Variants in NCAM1 observed in about 807,000 individuals in gnomAD.
NCAM1 encodes antigen recognized by monoclonal antibody 5.1H11.
In NCAM1, 14 loss-of-function variants were observed where a neutral mutation model predicts 109.8. The observed-to-expected ratio is 0.13, with a 90% CI of 0.08 to 0.20. The LOEUF (loss-of-function observed/expected upper bound fraction) is 0.20. Among genes scored for constraint, NCAM1 ranks in the 10% least tolerant of loss-of-function variants. The pLI, the probability that NCAM1 is intolerant of heterozygous loss-of-function variation, is 1.00. For missense variants in NCAM1, 774 were observed against 1,109.9 expected (o/e 0.70, Z 4.30); for synonymous variants, 418 against 442.9 (o/e 0.94, Z 0.70).
chr11:112,986,363 GT>G (rs34255443), intron 1 of NCAM1, among the ~76,000 whole-genome samples: 13,326 of 151,922 alleles, frequency 0.088, 751 homozygotes, highest in East Asian at 0.21. Context: ...ATATTGGCCT[GT>G]AATTTTCTTT....
intron 1 of NCAM1, among the ~76,000 whole-genome samples, chr11:113,134,961 C>T (rs1400038073): frequency 6.6e-6 from 1 of 152,094 alleles, no homozygotes; most frequent in African/African-American, 2.4e-5. Context: ...CACTGGGGCA[C>T]ACTGGATCAG....
chr11:113,035,499 G>GGAGATAT (rs1177585121), intron 1 of NCAM1, among the ~76,000 whole-genome samples: 1 of 152,146 alleles, frequency 6.6e-6, no homozygotes, highest in Non-Finnish European at 1.5e-5. Context: ...AAGACACGAA[G>GGAGATAT]GAGATATTAA....
intron 1 of NCAM1, among the ~76,000 whole-genome samples, chr11:112,980,601 C>T (rs1193836361): frequency 1.3e-5 from 2 of 151,504 alleles, no homozygotes; most frequent in African/African-American, 2.4e-5. Flanking sequence ...TTTTTTGTAA[C>T]CATGAAAGTT....
chr11:113,004,029 A>G (rs1382974668), intron 1 of NCAM1, among the ~76,000 whole-genome samples: 4 of 152,242 alleles, frequency 2.6e-5, no homozygotes, highest in Admixed American at 1.3e-4. Flanking sequence ...AGAGGAGAAG[A>G]TGACAAATCA....
chr11:113,072,501 A>T (rs556655133), intron 1 of NCAM1, among the ~76,000 whole-genome samples: 1 of 152,300 alleles, frequency 6.6e-6, no homozygotes, highest in South Asian at 2.1e-4. Context: ...AGAAAAAAAA[A>T]GCCAAATAAA....
chr11:113,267,660 C>T (rs1251830225), intron 17 of NCAM1, among the ~76,000 whole-genome samples: 5 of 152,028 alleles, frequency 3.3e-5, no homozygotes, highest in African/African-American at 1.2e-4. Flanking sequence ...CCTTTTAGGC[C>T]GGGAGAAAGA....
At chr11:113,163,531 A>C (rs1942675226) in intron 1 of NCAM1, among the ~76,000 whole-genome samples, 1 of 152,280 alleles carries the variant, frequency 6.6e-6, no homozygotes, top group South Asian at 2.1e-4. Flanking sequence ...AGTGTTATGG[A>C]AAGCAATTTG....
At chr11:113,158,178 G>T (rs1288245782) in intron 1 of NCAM1, among the ~76,000 whole-genome samples, 5 of 152,188 alleles carry the variant, frequency 3.3e-5, no homozygotes, top group African/African-American at 1.2e-4. Context: ...TTAAGCTTAT[G>T]TTGGTAGATA....
At chr11:113,261,971 G>A (rs968702049) in intron 17 of NCAM1, among the ~76,000 whole-genome samples, 2 of 152,034 alleles carry the variant, frequency 1.3e-5, no homozygotes, top group Non-Finnish European at 2.9e-5. Flanking sequence ...CTTGTGAATC[G>A]CCCAGGTGCC....
At chr11:113,059,457 G>C (rs1237882956) in intron 1 of NCAM1, among the ~76,000 whole-genome samples, 1 of 152,160 alleles carries the variant, frequency 6.6e-6, no homozygotes, top group African/African-American at 2.4e-5. Context: ...TGGGGCTGGA[G>C]GATCCACTTC....
At chr11:113,244,202 CTG>C (rs1945430970) in intron 14 of NCAM1, among the ~76,000 whole-genome samples, 2 of 152,154 alleles carry the variant, frequency 1.3e-5, no homozygotes, top group Non-Finnish European at 2.9e-5. Context: ...ATTTGTACAA[CTG>C]TGTCATATTT....
At chr11:113,210,980 T>A (rs1339971980) in intron 7 of NCAM1, among the ~76,000 whole-genome samples, 1 of 152,152 alleles carries the variant, frequency 6.6e-6, no homozygotes, top group African/African-American at 2.4e-5. Flanking sequence ...CCTGTCATAG[T>A]CTGCGGAGCG....
At chr11:113,272,493 G>A (rs782817026) in intron 19 of NCAM1, among the ~76,000 whole-genome samples, 11 of 152,132 alleles carry the variant, frequency 7.2e-5, no homozygotes, top group Non-Finnish European at 1.5e-4. Context: ...TCCCATCGGT[G>A]CCCTGGGGAG....
At chr11:112,979,106 T>A (rs1555068187) in intron 1 of NCAM1, among the ~76,000 whole-genome samples, 1 of 151,756 alleles carries the variant, frequency 6.6e-6, no homozygotes, top group Non-Finnish European at 1.5e-5. Context: ...TAATTTGGGC[T>A]TATGTAGAGT....
chr11:113,085,028 G>T (rs1461990662), intron 1 of NCAM1, among the ~76,000 whole-genome samples: 1 of 152,158 alleles, frequency 6.6e-6, no homozygotes, highest in African/African-American at 2.4e-5. Context: ...ATTCCTCTAT[G>T]CATGCTATAT....
intron 9 of NCAM1, chr11:113,231,296 TGCA>T: frequency 6.5e-7 from 1 of 1,534,850 alleles, no homozygotes; most frequent in Non-Finnish European, 8.7e-7. Context: ...CTGCTGCTGC[TGCA>T]ATATCTGCTG....
intron 1 of NCAM1, among the ~76,000 whole-genome samples, chr11:113,189,557 T>G (rs1275356246): frequency 6.6e-6 from 1 of 152,148 alleles, no homozygotes; most frequent in Non-Finnish European, 1.5e-5. Flanking sequence ...TTGTTTCTCA[T>G]GGGTGAGCCT....
rs183820727 is a variant in NCAM1 at position 113,220,732 on chromosome 11, G to A, written c.1060-564G>A. ...CGCCATTCTCCTGCCCCAGCCTCCCGAATAGCTGGGACTACAGGCGCCTGC... is the reference window on the plus strand; with the variant it reads ...CGCCATTCTCCTGCCCCAGCCTCCCAAATAGCTGGGACTACAGGCGCCTGC... On this transcript the variant is annotated intron_variant, in intron 8 of 19. Coordinates refer to ENST00000316851, the MANE Select transcript of NCAM1 (RefSeq NM_181351.5). Among the ~76,000 whole-genome samples the A allele has an allele frequency of 7.6e-3, 1,141 of 149,180 alleles. 16 individuals carry two copies. The highest frequency in any genetic ancestry group is 0.027 in the African/African-American group (1,085 of 40,196).
Position 113,036,161 on chromosome 11 carries a change from A to G in NCAM1, c.52+74497A>G, listed in dbSNP as rs574095403. On this transcript the variant is annotated intron_variant, in intron 1 of 19. Transcript: ENST00000316851. ...CCCCAAGCCCCCAGCCCTGAGCCTG[A>G]TCCTGCCACTCTTAGTAAATAACAT... Among the ~76,000 whole-genome samples the G allele has an allele frequency of 3.3e-5, 5 of 152,076 alleles. No individual in the cohort carries two copies. In the East Asian group the frequency reaches 7.7e-4, roughly 24 times the overall value.
Sources: allele counts gnomAD v4.1 joint callset (sites outside exome capture counted in the v4.1 genomes callset), GRCh38; gene constraint gnomAD v4.1.1; transcripts MANE v1.5; gene names NCBI Gene and HGNC (gene_info 2026-07-23, HGNC 2026-07-21).